Variants in CHRM1 observed in about 807,000 individuals in gnomAD.
The protein encoded by CHRM1 is muscarinic acetylcholine receptor M1.
CHRM1 carries 5 observed loss-of-function variants against 31.6 expected under a neutral mutation model. That is an observed-to-expected ratio of 0.16 (90% confidence interval 0.08 to 0.33). CHRM1 has a LOEUF of 0.33. Among genes scored for constraint, CHRM1 ranks in the 10% least tolerant of loss-of-function variants. The probability of loss-of-function intolerance (pLI) is 1.00; values close to 1 mark genes in which losing one functional copy is unlikely to be tolerated. For synonymous variants in CHRM1, 227 were observed against 249.7 expected (o/e 0.91, Z 0.86); for missense variants, 338 against 610.3 (o/e 0.55, Z 4.70).
intron 1 of CHRM1, chr11:62,916,962 T>C (rs1040893170): frequency 2.6e-5 from 4 of 152,252 alleles, no homozygotes; most frequent in South Asian, 4.1e-4. Flanking sequence ...CTGCCCCCTA[T>C]GACGCAGTAC....
chr11:62,914,727 C>T (rs1158698663), intron 1 of CHRM1, among the ~76,000 whole-genome samples: 1 of 152,268 alleles, frequency 6.6e-6, no homozygotes, highest in African/African-American at 2.4e-5. Flanking sequence ...ATGCCATACT[C>T]TCCTGGTAGT....
chr11:62,919,046 G>A (rs2085916609), intron 1 of CHRM1, among the ~76,000 whole-genome samples: 1 of 152,012 alleles, frequency 6.6e-6, no homozygotes, highest in African/African-American at 2.4e-5. Flanking sequence ...AGGGGGCTGT[G>A]GGGTTGGGCA....
At chr11:62,915,802 G>GTTATTA (rs906570897) in intron 1 of CHRM1, among the ~76,000 whole-genome samples, 11 of 151,500 alleles carry the variant, frequency 7.3e-5, no homozygotes, top group South Asian at 4.2e-4. Flanking sequence ...AAGCCTTATT[G>GTTATTA]TTATTATTAT....
chr11:62,919,347 A>C (rs1214510860), intron 1 of CHRM1, among the ~76,000 whole-genome samples: 1 of 152,184 alleles, frequency 6.6e-6, no homozygotes, highest in Non-Finnish European at 1.5e-5. Context: ...CCATCAGTTA[A>C]ATGCTACATG....
intron 1 of CHRM1, among the ~76,000 whole-genome samples, chr11:62,916,683 A>G (rs2085902016): frequency 6.6e-6 from 1 of 152,180 alleles, no homozygotes; most frequent in Non-Finnish European, 1.5e-5. Context: ...TGGACATCCC[A>G]TGGGGGGCTC....
At chr11:62,913,577 A>T (rs2085884146) in intron 1 of CHRM1, among the ~76,000 whole-genome samples, 2 of 151,942 alleles carry the variant, frequency 1.3e-5, no homozygotes, top group Admixed American at 1.3e-4. Flanking sequence ...AGGCTGAGGC[A>T]GGAGAATTGC....
intron 1 of CHRM1, among the ~76,000 whole-genome samples, chr11:62,919,561 C>G (rs1301443425): frequency 6.6e-6 from 1 of 152,176 alleles, no homozygotes; most frequent in African/African-American, 2.4e-5. Flanking sequence ...AAGCCCCCTG[C>G]TCCTGGCTCC....
chr11:62,909,310 C>T lies in CHRM1; in HGVS notation c.*408G>A, dbSNP rs560884278. The T allele has an allele frequency of 5.3e-6, 1 of 188,470 alleles. No homozygotes were observed. Among genetic ancestry groups the T allele is most frequent in the East Asian group, 1.4e-4 (1 of 7,254 alleles). 11.7% of individuals were successfully genotyped at this position (188,470 alleles called of 1,614,324 possible). On this transcript the variant is annotated 3_prime_UTR_variant, in exon 2 of 2. Coordinates refer to ENST00000306960, the MANE Select transcript of CHRM1 (RefSeq NM_000738.3). ...CAGTTCAGTTTCTGGCTGTGCCCCCCAGGGGGCACCATCTCACACCGCAAT... is the reference window on the plus strand; with the variant it reads ...CAGTTCAGTTTCTGGCTGTGCCCCCTAGGGGGCACCATCTCACACCGCAAT...
intron 1 of CHRM1, among the ~76,000 whole-genome samples, chr11:62,912,144 G>A (rs560447320): frequency 6.6e-5 from 10 of 151,896 alleles, no homozygotes; most frequent in African/African-American, 1.2e-4. Flanking sequence ...AGAGGCAGGC[G>A]GATCATGAGG....
At chr11:62,918,113 G>A (rs1057402612) in intron 1 of CHRM1, 1 of 152,382 alleles carries the variant, frequency 6.6e-6, no homozygotes, top group Non-Finnish European at 1.5e-5. Context: ...ACCTCAGCTA[G>A]CTTACTCAAG....
rs902760955 is a variant in CHRM1, at chr11:62,920,460, T to C, written c.-79+758A>G. 1.2e-4 allele frequency among the ~76,000 whole-genome samples: 18 copies of C among 152,140 alleles called. 1 individual carries two copies. Among genetic ancestry groups the C allele is most frequent in the African/African-American group, 4.3e-4 (18 of 41,498 alleles). On this transcript the variant is annotated intron_variant, in intron 1 of 1. Transcript: ENST00000306960. ...CACTGGGGTGAGTACCTGGCGTGGG[T>C]GCCCATTGGTATCCATGCATTGCCT...
Position 62,910,440 on chromosome 11 carries a change from C to T in CHRM1, c.661G>A (p.Glu221Lys), listed in dbSNP as rs769324048. Residue 221 changes from glutamate to lysine, a missense_variant, in exon 2 of 2, where the codon GAG (glutamate) becomes AAG (lysine). Transcript: ENST00000306960. The surrounding 1 kb of genome is among the most constrained non-coding windows in gnomAD (Gnocchi z 8.7). ...IYRETENRARELAALQGSETP... is the reference protein window; with the variant it reads ...IYRETENRARKLAALQGSETP... ...TCGGAGCCCTGAAGGGCTGCCAGCT[C>T]CCGTGCTCGGTTCTCTGTCTCCCGG... is the stretch of plus-strand genomic sequence containing the variant. The T allele has an allele frequency of 6.2e-7, 1 of 1,613,700 alleles. No homozygotes were observed.
intron 1 of CHRM1, among the ~76,000 whole-genome samples, chr11:62,915,174 CAAAAAAA>C (rs34590771): frequency 8.8e-5 from 2 of 22,720 alleles, no homozygotes; most frequent in African/African-American, 4.0e-4. Context: ...GACCCTGTCT[CAAAAAAA>C]AAAAAAAAAA....
chr11:62,910,177 G>T lies in CHRM1; in HGVS notation c.924C>A (p.Asp308Glu), dbSNP rs765208491. 9.4e-6 allele frequency: 15 copies of T among 1,602,574 alleles called. No homozygotes were observed. Among genetic ancestry groups the T allele is most frequent in the Non-Finnish European group, 1.3e-5 (15 of 1,174,674 alleles). The change falls in exon 2 of 2, where the codon GAC (aspartate) becomes GAA (glutamate). Residue 308 changes from aspartate to glutamate, a missense_variant. Coordinates refer to ENST00000306960, the MANE Select transcript of CHRM1 (RefSeq NM_000738.3). This position sits in a 1 kb window ranked among gnomAD's most constrained non-coding sequence, Gnocchi z 8.7. ...SEVVIKMPMVDPEAQAPTKQP... is the reference protein window; with the variant it reads ...SEVVIKMPMVEPEAQAPTKQP... ...GCTTGGTGGGGGCCTGTGCCTCGGG[G>T]TCCACCATTGGCATCTTGATCACCA...
intron 1 of CHRM1, among the ~76,000 whole-genome samples, chr11:62,915,646 T>C (rs1263611264): frequency 6.6e-6 from 1 of 152,182 alleles, no homozygotes; most frequent in African/African-American, 2.4e-5. Flanking sequence ...CAGTCTTGGG[T>C]TTGAAGCTTG....
At chr11:62,918,103 A>C (rs2085910361) in intron 1 of CHRM1, 1 of 152,222 alleles carries the variant, frequency 6.6e-6, no homozygotes. Context: ...CTCCTTGCCC[A>C]CCTCAGCTAG....
chr11:62,911,151 C>T lies in CHRM1; in HGVS notation c.-51G>A. ...AGAGCCCCTTCCTCCAGGCACGCTACAGGGCTTCCTCAGGGGAAAGTCATC... is the reference window on the plus strand; with the variant it reads ...AGAGCCCCTTCCTCCAGGCACGCTATAGGGCTTCCTCAGGGGAAAGTCATC... On this transcript the variant is annotated 5_prime_UTR_variant, in exon 2 of 2. Coordinates refer to ENST00000306960, the MANE Select transcript of CHRM1 (RefSeq NM_000738.3). The T allele has an allele frequency of 1.3e-6, 2 of 1,559,644 alleles. No individual in the cohort carries two copies. Among genetic ancestry groups the T allele is most frequent in the Non-Finnish European group, 8.7e-7 (1 of 1,145,142 alleles).
chr11:62,909,636 T>G lies in CHRM1; in HGVS notation c.*82A>C. On this transcript the variant is annotated 3_prime_UTR_variant, in exon 2 of 2. Coordinates refer to ENST00000306960, the MANE Select transcript of CHRM1 (RefSeq NM_000738.3). Reference sequence around the variant, plus strand: ...GCCAGGTGAGGCCTGAGCAGGGCCCTGGGGCTGAGGATGCAGCCCCTGCCC... The same window carrying G: ...GCCAGGTGAGGCCTGAGCAGGGCCCGGGGGCTGAGGATGCAGCCCCTGCCC... 2 of 1,515,818 alleles carry G rather than the reference T, an allele frequency of 1.3e-6. No individual in the cohort carries two copies. The highest frequency in any genetic ancestry group is 1.8e-6 in the Non-Finnish European group (2 of 1,118,302). 93.9% of individuals were successfully genotyped at this position (1,515,818 alleles called of 1,614,324 possible).
At chr11:62,920,138 C>A (rs959121286) in intron 1 of CHRM1, among the ~76,000 whole-genome samples, 1 of 152,200 alleles carries the variant, frequency 6.6e-6, no homozygotes, top group Non-Finnish European at 1.5e-5. Flanking sequence ...ATCTGACAGC[C>A]CACTGAACAG....
Sources: gnomAD v4.1 joint callset for allele counts (sites outside exome capture counted in the v4.1 genomes callset) on GRCh38, gnomAD v4.1.1 for gene constraint, Gnocchi (gnomAD v3.1) non-coding constraint, MANE v1.5 for transcripts, NCBI Gene and HGNC (gene_info 2026-07-23, HGNC 2026-07-21) for gene names.